Variants in USP32 observed in about 807,000 individuals in gnomAD.
USP32 encodes the protein ubiquitin carboxyl-terminal hydrolase 32.
USP32 carries 59 observed loss-of-function variants against 204.8 expected under a neutral mutation model. The ratio of observed to expected loss-of-function variants is 0.29; its 90% CI spans 0.23 to 0.36. The LOEUF is 0.36. USP32 is among the 10% of genes least tolerant of loss of function. The probability of loss-of-function intolerance (pLI) is 1.00; values close to 1 mark genes in which losing one functional copy is unlikely to be tolerated. For synonymous variants in USP32, 517 were observed against 678.4 expected, an observed-to-expected ratio of 0.76 and a Z score of 3.70; for missense variants, 1,160 against 1,946.4, an observed-to-expected ratio of 0.60 and a Z score of 7.60.
chr17:60,284,124 C>A (rs1461508468), intron 5 of USP32, among the ~76,000 whole-genome samples: 1 of 151,110 alleles, frequency 6.6e-6, no homozygotes, highest in Non-Finnish European at 1.5e-5. Context: ...AAAAAGAAAA[C>A]AATCATTAGG....
At chr17:60,272,997 C>T (rs2086758639) in intron 5 of USP32, among the ~76,000 whole-genome samples, 1 of 152,138 alleles carries the variant, frequency 6.6e-6, no homozygotes, top group East Asian at 1.9e-4. Context: ...GAGACAGAAT[C>T]TCACTCTGTC....
chr17:60,395,149 C>T (rs2089892167), upstream of USP32, among the ~76,000 whole-genome samples: 1 of 152,148 alleles, frequency 6.6e-6, no homozygotes, highest in Admixed American at 6.5e-5. Context: ...ATGTGGTTCT[C>T]CTTTGACTGA....
intron 2 of USP32, among the ~76,000 whole-genome samples, chr17:60,315,135 C>G (rs55953463): frequency 6.6e-6 from 1 of 152,116 alleles, no homozygotes; most frequent in Non-Finnish European, 1.5e-5. Flanking sequence ...TGGTGGCTCA[C>G]GCCTGTAATC....
chr17:60,207,918 A>G (rs533820008), intron 24 of USP32, 141 bp downstream of exon 24: 3 of 1,430,648 alleles, frequency 2.1e-6, no homozygotes, highest in South Asian at 3.2e-5. Context: ...AAAACTTGGC[A>G]TTTTTTGTTG....
intron 1 of USP32, among the ~76,000 whole-genome samples, chr17:60,399,097 A>G (rs911250944): frequency 3.3e-5 from 5 of 152,146 alleles, no homozygotes; most frequent in Non-Finnish European, 7.3e-5. Context: ...GAGGGCAGGA[A>G]GCCTAGGGAA....
chr17:60,219,101 A>G (rs184216103), intron 16 of USP32, among the ~76,000 whole-genome samples: 66 of 152,294 alleles, frequency 4.3e-4, no homozygotes, highest in African/African-American at 1.5e-3. Context: ...AATCTTCAAA[A>G]ATATGCCTTT....
intron 2 of USP32, among the ~76,000 whole-genome samples, chr17:60,312,514 C>T (rs2087878003): frequency 6.6e-6 from 1 of 151,134 alleles, no homozygotes; most frequent in Non-Finnish European, 1.5e-5. Flanking sequence ...CAGCCTTGAC[C>T]TCCCAGGCTC....
intron 1 of USP32, among the ~76,000 whole-genome samples, chr17:60,400,912 C>G (rs1022503094): frequency 6.6e-6 from 1 of 152,164 alleles, no homozygotes; most frequent in Non-Finnish European, 1.5e-5. Flanking sequence ...GATCCCAGCT[C>G]TTTGGGATGC....
At chr17:60,287,938 C>T (rs1245974348) in intron 5 of USP32, among the ~76,000 whole-genome samples, 1 of 151,830 alleles carries the variant, frequency 6.6e-6, no homozygotes, top group Non-Finnish European at 1.5e-5. Flanking sequence ...ATGGTGAAAC[C>T]CTGACTCTAC....
chr17:60,185,833 G>C, intron 29 of USP32, 182 bp from the exon 30 acceptor site: 1 of 639,166 alleles, frequency 1.6e-6, no homozygotes, highest in Non-Finnish European at 2.5e-6. Context: ...AGGCCGAGGT[G>C]GGGTAATTGC....
At chr17:60,286,288 C>T (rs2087109213) in intron 5 of USP32, among the ~76,000 whole-genome samples, 1 of 152,104 alleles carries the variant, frequency 6.6e-6, no homozygotes, top group African/African-American at 2.4e-5. Context: ...AGAATATGGC[C>T]TTATTTGGAA....
chr17:60,287,003 A>G (rs573794496), intron 5 of USP32, among the ~76,000 whole-genome samples: 1 of 152,262 alleles, frequency 6.6e-6, no homozygotes, highest in South Asian at 2.1e-4. Flanking sequence ...CAAAAAATTT[A>G]GCTGCACATG....
chr17:60,253,414 T>TA (rs1260571704), intron 10 of USP32, among the ~76,000 whole-genome samples: 164 of 142,520 alleles, frequency 1.2e-3, no homozygotes, highest in East Asian at 8.4e-3. Flanking sequence ...ATAGTTTAAT[T>TA]AAAAAAAAAA....
chr17:60,409,810 A>G (rs1448462212), intron 1 of USP32, among the ~76,000 whole-genome samples: 1 of 152,152 alleles, frequency 6.6e-6, no homozygotes, highest in Non-Finnish European at 1.5e-5. Context: ...CATAAAATAC[A>G]CTAACACTAA....
At chr17:60,219,187 A>G (rs112429970) in intron 16 of USP32, among the ~76,000 whole-genome samples, 134 of 145,958 alleles carry the variant, frequency 9.2e-4, no homozygotes, top group African/African-American at 3.3e-3. Context: ...TTGCCAAAAA[A>G]CCAAACAACA....
At chr17:60,279,039 G>A (rs2086902628) in intron 5 of USP32, among the ~76,000 whole-genome samples, 1 of 152,028 alleles carries the variant, frequency 6.6e-6, no homozygotes, top group Non-Finnish European at 1.5e-5. Context: ...AGGAGGAGAG[G>A]GAAGAACTGT....
chr17:60,422,326 C>CA lies in USP32; in HGVS notation c.25dup (p.Trp9LeufsTer70). ...TCTCCTGGCCTGCTGTGCGCTCTGC[C>CA]AAAGTCTTCGCTCGACCCCGCACAT... On this transcript the variant is annotated frameshift_variant, in exon 1 of 4. Coordinates refer to the USP32 transcript ENST00000588898. LOFTEE classifies it high-confidence loss of function. 1.3e-6 allele frequency: 1 copy of CA among 743,294 alleles called. No individual in the cohort carries two copies. Among genetic ancestry groups the CA allele is most frequent in the Non-Finnish European group, 2.0e-6 (1 of 506,670 alleles). The allele number at this position is 743,294 out of a possible 1,614,324, so 46.0% of individuals were successfully genotyped here. A position where few individuals can be genotyped will look rare whatever the true frequency, so the allele number is the denominator to read the frequency against.
intron 1 of USP32, among the ~76,000 whole-genome samples, chr17:60,416,506 T>A (rs1225629183): frequency 6.6e-6 from 1 of 152,056 alleles, no homozygotes; most frequent in Non-Finnish European, 1.5e-5. Context: ...TTAAAAAAAA[T>A]GTGGTGGAGG....
At chr17:60,260,756 C>T (rs1424936535) in intron 9 of USP32, among the ~76,000 whole-genome samples, 1 of 151,874 alleles carries the variant, frequency 6.6e-6, no homozygotes, top group Non-Finnish European at 1.5e-5. Context: ...TGCATAATCG[C>T]TTATACAGTA....
Sources: allele counts gnomAD v4.1 joint callset (sites outside exome capture counted in the v4.1 genomes callset), GRCh38; gene constraint gnomAD v4.1.1; transcripts MANE v1.5; gene names NCBI Gene and HGNC (gene_info 2026-07-23, HGNC 2026-07-21).